The following CASKIN1 variants were observed in gnomAD, a reference collection of about 807,000 sequenced individuals.
CASKIN1 encodes the protein caskin-1.
CASKIN1 carries 42 observed loss-of-function variants against 117.5 expected under a neutral mutation model. The observed-to-expected ratio is 0.36, with a 90% confidence interval of 0.28 to 0.46. The LOEUF (loss-of-function observed/expected upper bound fraction) is 0.46, where lower values mean the gene tolerates loss of function less well. CASKIN1 is among the 20% of genes least tolerant of loss of function. CASKIN1 has a pLI of 1.00. For synonymous variants in CASKIN1, 1,148 were observed against 961.7 expected (o/e 1.19, Z -3.59); for missense variants, 2,083 against 2,077.3 (o/e 1.00, Z -0.05).
Position 2,179,695 on chromosome 16 carries a change from G to A in CASKIN1, c.3673C>T (p.Pro1225Ser), listed in dbSNP as rs758892117. 10 of 1,525,688 alleles carry A rather than the reference G, an allele frequency of 6.6e-6. 1 individual carries two copies. The Admixed American group carries it at 1.5e-4, about 23-fold the overall frequency. The allele number at this position is 1,525,688 out of a possible 1,614,324, so 94.5% of individuals were successfully genotyped here. The change falls in exon 18 of 20, where the codon CCT (proline) becomes TCT (serine). Residue 1225 changes from proline (P) to serine (S), a missense_variant. By Grantham distance (74) the Pro-to-Ser change is moderately conservative. This residue lies in a region of CASKIN1 where 1,818 missense variants were observed against 1,688.9 expected (regional missense o/e 1.08). Coordinates refer to ENST00000343516, the MANE Select transcript of CASKIN1 (RefSeq NM_020764.4). This position sits in a 1 kb window ranked among gnomAD's most constrained non-coding sequence, Gnocchi z 5.8. Reference sequence around the variant, plus strand: ...GTCAGGACGGGCTTGGGAGAGACAGGCGGCTTGGCCGGCTTCCGGGCTTCG... The same window carrying A: ...GTCAGGACGGGCTTGGGAGAGACAGACGGCTTGGCCGGCTTCCGGGCTTCG... ...EGEARKPAKPPVSPKPVLTQP... is the reference protein window; with the variant it reads ...EGEARKPAKPSVSPKPVLTQP...
Position 2,181,252 on chromosome 16 carries a change from A to T in CASKIN1, c.2116T>A (p.Ser706Thr). The change falls in exon 18 of 20, where the codon TCG becomes ACG. Residue 706 changes from serine to threonine, a missense_variant. Ser to Thr is a moderately conservative substitution (Grantham distance 58). Transcript: ENST00000343516. The stretch of plus-strand genomic sequence containing the variant: ...GGCCCATCTCCCAGCAGCTCCTGCG[A>T]GCTGCTCATGTGCCGTGCCCGACCA... ...LGGRARHMSS[S>T]QELLGDGPPG... 1 of 1,598,728 alleles carries T rather than the reference A, an allele frequency of 6.3e-7. No homozygotes were observed.
rs758681734 is a variant in CASKIN1, at chr16:2,183,685, G to A, written c.1590C>T (p.Ser530=). The A allele has an allele frequency of 5.0e-6, 8 of 1,613,250 alleles. No homozygotes were observed. Among genetic ancestry groups the A allele is most frequent in the East Asian group, 4.5e-5 (2 of 44,900 alleles). ...GHRKKIAAEI[S]GLSIPDWLPE... ...GCAGCCAGTCAGGGATGCTTAGGCC[G>A]CTGATCTCTGCCGCGATCTTCTTCC... Residue 530 remains serine (S), a synonymous_variant, in exon 16 of 20, where the codon AGC becomes AGT. Coordinates refer to ENST00000343516, the MANE Select transcript of CASKIN1 (RefSeq NM_020764.4).
Position 2,181,203 on chromosome 16 carries a change from G to A in CASKIN1, c.2165C>T (p.Ser722Phe), listed in dbSNP as rs762662379. The change falls in exon 18 of 20, where the codon TCT (serine) becomes TTT (phenylalanine). Residue 722 changes from serine (S) to phenylalanine (F), a missense_variant. This residue lies in a region of CASKIN1 where 1,818 missense variants were observed against 1,688.9 expected (regional missense o/e 1.08). Coordinates refer to ENST00000343516, the MANE Select transcript of CASKIN1 (RefSeq NM_020764.4). ...ATCCAGGAGGTACTCCTGGCTTCGA[G>A]ACATGGGGCTGCTGGGCCCAGGGGG... ...DGPPGPSSPM[S>F]RSQEYLLDEG... 65 of 1,575,856 alleles carry A rather than the reference G, an allele frequency of 4.1e-5. No individual in the cohort carries two copies. Among genetic ancestry groups the A allele is most frequent in the Non-Finnish European group, 5.5e-5 (64 of 1,170,760 alleles).
chr16:2,190,901 G>C (rs183225170), intron 1 of CASKIN1, among the ~76,000 whole-genome samples: 1 of 152,242 alleles, frequency 6.6e-6, no homozygotes, highest in Non-Finnish European at 1.5e-5. Flanking sequence ...ATGAGCAGAA[G>C]TGGGAGGCAG....
chr16:2,178,588 C>T lies in CASKIN1; in HGVS notation c.4258G>A (p.Asp1420Asn). The T allele has an allele frequency of 1.3e-6, 2 of 1,597,672 alleles. No individual in the cohort carries two copies. The highest frequency in any genetic ancestry group is 2.3e-5 in the East Asian group (1 of 44,012). ...GCATCCAGCTGGTCGGCCAGGTCGT[C>T]GAACATGCTGCCGATGTCGTCCAGG... ...SILDDIGSMF[D>N]DLADQLDAML... The change falls in exon 20 of 20, where the codon GAC becomes AAC. Residue 1420 changes from aspartate to asparagine, a missense_variant. By Grantham distance (23) the Asp-to-Asn change is conservative (BLOSUM62 1). Around this residue, in one of 3 missense-constraint regions of CASKIN1, gnomAD observed 1,818 missense variants for 1,688.9 expected, o/e 1.08. Coordinates refer to ENST00000343516, the MANE Select transcript of CASKIN1 (RefSeq NM_020764.4).
chr16:2,187,867 C>A (rs1266515468), intron 6 of CASKIN1, among the ~76,000 whole-genome samples: 1 of 152,058 alleles, frequency 6.6e-6, no homozygotes, highest in Non-Finnish European at 1.5e-5. Flanking sequence ...GCTGGGAGTA[C>A]AGGCGTGCGC....
At chr16:2,187,543 A>G (rs2093188538) in intron 6 of CASKIN1, 82 bp from the exon 7 acceptor site, 2 of 1,148,616 alleles carry the variant, frequency 1.7e-6, no homozygotes, top group Non-Finnish European at 2.5e-6. Flanking sequence ...CTCCATTTCC[A>G]GGTACCCCAG....
chr16:2,195,625 G>A (rs758317632), intron 1 of CASKIN1, among the ~76,000 whole-genome samples: 20 of 152,352 alleles, frequency 1.3e-4, no homozygotes, highest in South Asian at 6.2e-4. Context: ...ATGGCCAGTG[G>A]TGGTCCCCCA....
In CASKIN1 at chr16:2,189,572, G is replaced by T; in HGVS notation, c.245-8C>A. 2 of 1,592,784 alleles carry T rather than the reference G, an allele frequency of 1.3e-6. No individual in the cohort carries two copies. Among genetic ancestry groups the T allele is most frequent in the South Asian group, 1.1e-5 (1 of 89,030 alleles). ...AGTGCAGCGGCCGCATGCCTGGGGGGCGAGGGGATGCTGGGAGCTGACCCT... is the reference window on the plus strand; with the variant it reads ...AGTGCAGCGGCCGCATGCCTGGGGGTCGAGGGGATGCTGGGAGCTGACCCT... On this transcript the variant is annotated splice_region_variant and splice_polypyrimidine_tract_variant and intron_variant, in intron 3 of 19. Coordinates refer to ENST00000343516, the MANE Select transcript of CASKIN1 (RefSeq NM_020764.4).
Position 2,188,173 on chromosome 16 carries a change from A to G in CASKIN1, c.618-712T>C, listed in dbSNP as rs1375784053. On this transcript the variant is annotated intron_variant, in intron 6 of 19. Coordinates refer to ENST00000343516, the MANE Select transcript of CASKIN1 (RefSeq NM_020764.4). ...TACTGGGATTGCAGCATTTTGAACC[A>G]CCGCACTCAGCTGCTTTTTTTATAA... Among the ~76,000 whole-genome samples the G allele has an allele frequency of 2.1e-5, 3 of 144,892 alleles. No homozygotes were observed. The East Asian group carries it at 6.2e-4, about 30-fold the overall frequency.
rs779121084 is a variant in CASKIN1, at chr16:2,181,161, C to G, written c.2207G>C (p.Gly736Ala). ...EYLLDEGPAP[G>A]TPPREARPGR... ...GGGCCGGGCCTCCCTGGGCGGGGTG[C>G]CGGGGGCGGGGCCCTCATCCAGGAG... The change falls in exon 18 of 20, where the codon GGC becomes GCC. Residue 736 changes from glycine (G) to alanine (A), a missense_variant. Transcript: ENST00000343516. 232 of 1,498,658 alleles carry G rather than the reference C, an allele frequency of 1.5e-4. No homozygotes were observed. The highest frequency in any genetic ancestry group is 8.1e-4 in the Middle Eastern group (4 of 4,916). 92.8% of individuals were successfully genotyped at this position (1,498,658 alleles called of 1,614,324 possible).
chr16:2,180,258 G>C lies in CASKIN1; in HGVS notation c.3110C>G (p.Pro1037Arg), dbSNP rs756672873. ...GGCCAGCACGGTGGCCACCCGGCCC[G>C]GCTCTGGGCTGGCAGGGCGGGGAGT... ...HPTPRPASPE[P>R]GRVATVLASV... is the part of the protein sequence containing the mutation. The change falls in exon 18 of 20, where the codon CCG (proline) becomes CGG (arginine). Residue 1037 changes from proline to arginine, a missense_variant. By Grantham distance (103) the Pro-to-Arg change is moderately radical (BLOSUM62 -2). Coordinates refer to ENST00000343516, the MANE Select transcript of CASKIN1 (RefSeq NM_020764.4). The C allele has an allele frequency of 6.4e-7, 1 of 1,557,478 alleles. No homozygotes were observed. The highest frequency in any genetic ancestry group is 1.9e-5 in the Admixed American group (1 of 52,548).
At chr16:2,185,222 T>C (rs781183210) in intron 11 of CASKIN1, 23 bp from the exon 12 acceptor site, 12 of 1,610,870 alleles carry the variant, frequency 7.4e-6, no homozygotes, top group Non-Finnish European at 1.0e-5. Flanking sequence ...GGGAGCAAGA[T>C]GAGGCCAGTG....
rs200142871 is a variant in CASKIN1 at position 2,181,272 on chromosome 16, C to G, written c.2096G>C (p.Arg699Pro). Residue 699 changes from arginine (R) to proline (P), a missense_variant, in exon 18 of 20, where the codon CGG (arginine) becomes CCG (proline). Around this residue, in one of 3 missense-constraint regions of CASKIN1, gnomAD observed 1,818 missense variants for 1,688.9 expected, o/e 1.08. Coordinates refer to ENST00000343516, the MANE Select transcript of CASKIN1 (RefSeq NM_020764.4). The stretch of plus-strand genomic sequence containing the variant: ...CTGCGAGCTGCTCATGTGCCGTGCC[C>G]GACCACCCAGGCTGGAGTCCTGCCG... ...TTRQDSSLGG[R>P]ARHMSSSQEL... 1.9e-6 allele frequency: 3 copies of G among 1,600,948 alleles called. No homozygotes were observed. Among genetic ancestry groups the G allele is most frequent in the South Asian group, 2.2e-5 (2 of 90,752 alleles).
rs1567260420 is a variant in CASKIN1, at chr16:2,184,006, GCCT to G, written c.1417-68_1417-66del. On this transcript the variant is annotated intron_variant, in intron 14 of 19. Coordinates refer to ENST00000343516, the MANE Select transcript of CASKIN1 (RefSeq NM_020764.4). ...GGCCGCGCCCTGCCACCACAGTGCC[GCCT>G]CCTCTGCTTGGCCGGCCAGCCGTGC... 18 of 1,110,790 alleles carry G rather than the reference GCCT, an allele frequency of 1.6e-5. No individual in the cohort carries two copies. In the South Asian group the frequency reaches 2.4e-4, roughly 15 times the overall value. The allele number at this position is 1,110,790 out of a possible 1,614,324, so 68.8% of individuals were successfully genotyped here. A position where few individuals can be genotyped will look rare whatever the true frequency, so the allele number is the denominator to read the frequency against.
intron 10 of CASKIN1, 76 bp from the exon 11 acceptor site, chr16:2,185,484 C>G: frequency 7.9e-7 from 1 of 1,267,500 alleles, no homozygotes. Context: ...AGGACAGAGA[C>G]TGGCGCAGCC....
At position 2,177,648 on chromosome 16, in the gene CASKIN1, C is replaced by T. The variant is rs928124017; in HGVS notation, c.*902G>A. 8.3e-6 allele frequency: 2 copies of T among 239,858 alleles called. No individual in the cohort carries two copies. The highest frequency in any genetic ancestry group is 6.1e-5 in the East Asian group (1 of 16,452). 14.9% of individuals were successfully genotyped at this position (239,858 alleles called of 1,614,324 possible). On this transcript the variant is annotated 3_prime_UTR_variant, in exon 20 of 20. Coordinates refer to ENST00000343516, the MANE Select transcript of CASKIN1 (RefSeq NM_020764.4). ...CCCCTGGAGAGGGGGCCAGGCACAC[C>T]CTCAGAGGAGCTGCAAGCCCGTGGC...
Position 2,187,221 on chromosome 16 carries a change from G to C in CASKIN1, c.780C>G (p.Ile260Met), listed in dbSNP as rs773806794. ...CCTGGGACGTGGTGAACTGGTGCAC[G>C]ATGTCCAGGGCTGTCTGGCTGTAGG... ...RNTYSQTALD[I>M]VHQFTTSQAS... The change falls in exon 8 of 20, where the codon ATC becomes ATG. Residue 260 changes from isoleucine (I) to methionine (M), a missense_variant. Physicochemically the swap from Ile to Met is conservative, Grantham distance 10. Coordinates refer to ENST00000343516, the MANE Select transcript of CASKIN1 (RefSeq NM_020764.4). 2 of 1,614,074 alleles carry C rather than the reference G, an allele frequency of 1.2e-6. No individual in the cohort carries two copies. Among genetic ancestry groups the C allele is most frequent in the Admixed American group, 3.3e-5 (2 of 60,028 alleles).
chr16:2,177,180 T>A lies in CASKIN1; in HGVS notation c.*1370A>T. 4.1e-6 allele frequency: 1 copy of A among 246,584 alleles called. No individual in the cohort carries two copies. Among genetic ancestry groups the A allele is most frequent in the Non-Finnish European group, 8.0e-6 (1 of 124,506 alleles). The allele number at this position is 246,584 out of a possible 1,614,324, so 15.3% of individuals were successfully genotyped here. Reference sequence around the variant, plus strand: ...GCCCCCAAAAAGTGAGCCAGGCACCTCTGTTTCCTGCTGTTTATTGACAGC... The same window carrying A: ...GCCCCCAAAAAGTGAGCCAGGCACCACTGTTTCCTGCTGTTTATTGACAGC... On this transcript the variant is annotated 3_prime_UTR_variant, in exon 20 of 20. Coordinates refer to ENST00000343516, the MANE Select transcript of CASKIN1 (RefSeq NM_020764.4).
Sources: gnomAD v4.1 joint callset for allele counts (sites outside exome capture counted in the v4.1 genomes callset) on GRCh38, gnomAD v4.1.1 for gene constraint, gnomAD v4.1.1 regional missense constraint, Gnocchi (gnomAD v3.1) non-coding constraint, MANE v1.5 for transcripts, NCBI Gene and HGNC (gene_info 2026-07-23, HGNC 2026-07-21) for gene names.